The following CRIM1 variants were observed in gnomAD, a reference collection of about 807,000 sequenced individuals.
CRIM1 encodes cysteine rich transmembrane BMP regulator 1.
Under a neutral mutation model 116.4 loss-of-function variants are expected in CRIM1, and 32 were observed. That is an observed-to-expected ratio of 0.27 (90% confidence interval 0.21 to 0.37). The LOEUF (loss-of-function observed/expected upper bound fraction) is 0.37. Ranked by LOEUF, CRIM1 falls within the 10% of genes least tolerant of loss-of-function variation. The pLI, the probability that CRIM1 is intolerant of heterozygous loss-of-function variation, is 1.00. For synonymous variants in CRIM1, 590 were observed against 509.2 expected, an observed-to-expected ratio of 1.16 and a Z score of -2.13; for missense variants, 1,331 against 1,354.8, an observed-to-expected ratio of 0.98 and a Z score of 0.28.
chr2:36,450,121 A>G (rs755904147), intron 4 of CRIM1, among the ~76,000 whole-genome samples: 6 of 152,154 alleles, frequency 3.9e-5, no homozygotes, highest in Non-Finnish European at 1.5e-5. Flanking sequence ...CTGACTCCGC[A>G]AGATAAGGAT....
intron 3 of CRIM1, 102 bp from the exon 4 acceptor site, chr2:36,442,513 A>G: frequency 7.0e-7 from 1 of 1,425,988 alleles, no homozygotes; most frequent in East Asian, 2.3e-5. Context: ...TTGTGGAAGC[A>G]AGGAGACTTT....
intron 6 of CRIM1, among the ~76,000 whole-genome samples, chr2:36,478,058 C>G (rs988488591): frequency 6.6e-6 from 1 of 152,164 alleles, no homozygotes; most frequent in Non-Finnish European, 1.5e-5. Flanking sequence ...TGGGAGGGCA[C>G]AGTGTCATGC....
intron 13 of CRIM1, among the ~76,000 whole-genome samples, chr2:36,536,043 A>C (rs763626707): frequency 1.3e-5 from 2 of 152,160 alleles, no homozygotes; most frequent in African/African-American, 2.4e-5. Flanking sequence ...GTAAGAAGAA[A>C]ATGTAGAGAC....
In CRIM1 at chr2:36,479,531, C is replaced by T. The variant is rs1679243196; in HGVS notation, c.1209C>T (p.Cys403=). ...ATCCTTTTAATAATCCCGCTGGCTG[C>T]TATGCCAATGGCCTGATCCTTGCCC... ...PVYPFNNPAG[C]YANGLILAHG... The change falls in exon 7 of 17, where the codon TGC becomes TGT. Residue 403 remains cysteine (C), a synonymous_variant. Transcript: ENST00000280527. 1 of 1,614,128 alleles carries T rather than the reference C, an allele frequency of 6.2e-7. No individual in the cohort carries two copies. The highest frequency in any genetic ancestry group is 1.7e-5 in the Admixed American group (1 of 60,016).
chr2:36,527,901 A>G (rs778987616), intron 13 of CRIM1, among the ~76,000 whole-genome samples: 9 of 152,032 alleles, frequency 5.9e-5, no homozygotes, highest in Non-Finnish European at 8.8e-5. Flanking sequence ...CATTGGAAAG[A>G]GAACTTCCCT....
At chr2:36,387,444 G>A (rs1443162346) in intron 1 of CRIM1, among the ~76,000 whole-genome samples, 2 of 152,216 alleles carry the variant, frequency 1.3e-5, no homozygotes, top group Non-Finnish European at 2.9e-5. Flanking sequence ...AGAGACAGCT[G>A]CGTTGCTTAA....
At chr2:36,466,180 C>T (rs1235091813) in intron 5 of CRIM1, among the ~76,000 whole-genome samples, 1 of 152,162 alleles carries the variant, frequency 6.6e-6, no homozygotes, top group Non-Finnish European at 1.5e-5. Context: ...GCCACTGCTT[C>T]CGGCCAATAA....
intron 1 of CRIM1, among the ~76,000 whole-genome samples, chr2:36,360,844 C>T (rs917434542): frequency 3.3e-5 from 5 of 152,104 alleles, no homozygotes; most frequent in Admixed American, 3.3e-4. Flanking sequence ...ATATCAGCTT[C>T]TATAGTTAGA....
chr2:36,452,792 A>T (rs1007204295), intron 4 of CRIM1, among the ~76,000 whole-genome samples: 5 of 152,148 alleles, frequency 3.3e-5, no homozygotes, highest in Admixed American at 6.5e-5. Flanking sequence ...CTTCCAGTTT[A>T]ATCCGAGTGG....
rs185445710 is a variant in CRIM1, at chr2:36,520,350, A to G, written c.2207-1742A>G. On this transcript the variant is annotated intron_variant, in intron 12 of 16. Transcript: ENST00000280527. ...TGCATGAGCTAAGTTAACGTAAGTCACAAAAACCTCATGGAGATTTGCAGG... is the reference window on the plus strand; with the variant it reads ...TGCATGAGCTAAGTTAACGTAAGTCGCAAAAACCTCATGGAGATTTGCAGG... 1.3e-4 allele frequency among the ~76,000 whole-genome samples: 20 copies of G among 152,366 alleles called. No homozygotes were observed. The East Asian group carries it at 3.9e-3, about 29-fold the overall frequency.
chr2:36,460,597 G>C (rs938859374), intron 4 of CRIM1, among the ~76,000 whole-genome samples: 1 of 152,202 alleles, frequency 6.6e-6, no homozygotes, highest in Non-Finnish European at 1.5e-5. Context: ...TCTGCTCAAG[G>C]TCATGCAAAT....
At chr2:36,464,235 T>TA (rs1464193920) in intron 4 of CRIM1, among the ~76,000 whole-genome samples, 8 of 152,238 alleles carry the variant, frequency 5.3e-5, no homozygotes, top group Non-Finnish European at 7.3e-5. Context: ...AAATGTTTGT[T>TA]ACGCTCAATA....
At chr2:36,501,408 G>A (rs1273231409) in intron 8 of CRIM1, among the ~76,000 whole-genome samples, 4 of 152,170 alleles carry the variant, frequency 2.6e-5, no homozygotes, top group Non-Finnish European at 4.4e-5. Flanking sequence ...TGGCGTTAGT[G>A]CTAAAACTGA....
chr2:36,379,959 A>C (rs947677234), intron 1 of CRIM1, among the ~76,000 whole-genome samples: 3 of 151,552 alleles, frequency 2.0e-5, no homozygotes, highest in African/African-American at 7.3e-5. Context: ...TAGTTGAAGT[A>C]CAGTTGATAG....
chr2:36,385,169 T>G (rs926853384), intron 1 of CRIM1, among the ~76,000 whole-genome samples: 5 of 152,280 alleles, frequency 3.3e-5, no homozygotes, highest in African/African-American at 1.2e-4. Flanking sequence ...TTAGAGTTAA[T>G]GGCAAGGATC....
At chr2:36,511,818 C>G (rs1309217489) in intron 9 of CRIM1, among the ~76,000 whole-genome samples, 1 of 114,030 alleles carries the variant, frequency 8.8e-6, no homozygotes, top group Admixed American at 1.4e-4. Flanking sequence ...TAAAGAATTA[C>G]TTTCTGCATG....
chr2:36,427,627 C>T (rs1249292199), intron 2 of CRIM1, among the ~76,000 whole-genome samples: 1 of 152,196 alleles, frequency 6.6e-6, no homozygotes, highest in African/African-American at 2.4e-5. Context: ...TTCTACTTTC[C>T]TCTGGCTGGA....
intron 10 of CRIM1, 78 bp downstream of exon 10, chr2:36,512,472 T>A (rs1418963684): frequency 6.7e-6 from 10 of 1,491,368 alleles, no homozygotes; most frequent in Admixed American, 5.6e-5. Flanking sequence ...CACCCTGTAA[T>A]GAAATGGTTT....
chr2:36,393,214 A>G (rs1278276552), intron 1 of CRIM1, among the ~76,000 whole-genome samples: 1 of 152,216 alleles, frequency 6.6e-6, no homozygotes, highest in African/African-American at 2.4e-5. Context: ...GAGTAATGAT[A>G]GATGATGCCT....
Sources: gnomAD v4.1 joint callset for allele counts (sites outside exome capture counted in the v4.1 genomes callset) on GRCh38, gnomAD v4.1.1 for gene constraint, MANE v1.5 for transcripts, NCBI Gene and HGNC (gene_info 2026-07-23, HGNC 2026-07-21) for gene names.